Variants in PAM observed in about 807,000 individuals in gnomAD.
The protein encoded by PAM is peptidylglycine alpha-amidating monooxygenase.
Under a neutral mutation model 122.1 loss-of-function variants are expected in PAM, and 72 were observed. That is an observed-to-expected ratio of 0.59 (90% CI 0.49 to 0.72). The LOEUF is 0.72. Ranked by LOEUF, PAM falls within the 30% of genes least tolerant of loss-of-function variation. PAM has a pLI of 0.00. For missense variants in PAM, 1,106 were observed against 1,183.7 expected (o/e 0.93, Z 0.96); for synonymous variants, 389 against 404.4 (o/e 0.96, Z 0.46).
At chr5:102,986,400 A>G (rs2150699402) in intron 15 of PAM, among the ~76,000 whole-genome samples, 1 of 152,280 alleles carries the variant, frequency 6.6e-6, no homozygotes, top group South Asian at 2.1e-4. Flanking sequence ...CAAGACACAA[A>G]ATCTCAACAT....
chr5:103,001,520 A>G (rs1251054692), intron 16 of PAM, among the ~76,000 whole-genome samples: 2 of 152,138 alleles, frequency 1.3e-5, no homozygotes, highest in Admixed American at 6.5e-5. Flanking sequence ...GCATATATAA[A>G]GAGTATTACT....
chr5:102,982,721 A>C (rs921251164), intron 15 of PAM, among the ~76,000 whole-genome samples: 1 of 152,192 alleles, frequency 6.6e-6, no homozygotes, highest in African/African-American at 2.4e-5. Flanking sequence ...TATAAAGAAA[A>C]ACATTTTTCC....
At chr5:102,934,915 A>G (rs768533123) in intron 7 of PAM, among the ~76,000 whole-genome samples, 1 of 152,228 alleles carries the variant, frequency 6.6e-6, no homozygotes, top group Non-Finnish European at 1.5e-5. Context: ...CAGTATTAGA[A>G]CAAAGAAATT....
chr5:102,931,903 A>G (rs961215947), intron 7 of PAM, among the ~76,000 whole-genome samples: 1 of 151,808 alleles, frequency 6.6e-6, no homozygotes, highest in Non-Finnish European at 1.5e-5. Flanking sequence ...TACATTTAGT[A>G]TGTTCCTGGA....
chr5:102,773,921 A>T (rs1341339493), intron 1 of PAM, among the ~76,000 whole-genome samples: 1 of 151,974 alleles, frequency 6.6e-6, no homozygotes, highest in Admixed American at 6.6e-5. Flanking sequence ...CTTCATGTTC[A>T]TAGTTCTTAT....
chr5:102,916,821 C>T (rs570117662), intron 5 of PAM, among the ~76,000 whole-genome samples: 1 of 151,162 alleles, frequency 6.6e-6, no homozygotes, highest in East Asian at 2.0e-4. Context: ...CAACCTCCAC[C>T]TCCTGGGTTC....
At chr5:103,001,065 G>C (rs1286470600) in intron 16 of PAM, among the ~76,000 whole-genome samples, 1 of 152,054 alleles carries the variant, frequency 6.6e-6, no homozygotes, top group Non-Finnish European at 1.5e-5. Context: ...AGTGAATGAA[G>C]AAACTTTAAC....
intron 11 of PAM, 124 bp downstream of exon 11, chr5:102,950,102 A>C (rs1758307206): frequency 9.4e-6 from 6 of 638,292 alleles, no homozygotes; most frequent in Non-Finnish European, 1.4e-5. Context: ...TTAACTGTAT[A>C]ACTGAGCTGT....
At chr5:102,940,420 T>C (rs72783893) in intron 7 of PAM, among the ~76,000 whole-genome samples, 31 of 149,458 alleles carry the variant, frequency 2.1e-4, no homozygotes, top group Non-Finnish European at 4.3e-4. Flanking sequence ...CAGATTAACA[T>C]TTAAAGTGTA....
At chr5:102,877,080 A>T (rs1046768268) in intron 3 of PAM, among the ~76,000 whole-genome samples, 2 of 152,226 alleles carry the variant, frequency 1.3e-5, no homozygotes, top group Non-Finnish European at 2.9e-5. Context: ...ACTCTGTCCC[A>T]CCACTTGCTG....
chr5:102,948,537 A>G, intron 9 of PAM, 92 bp downstream of exon 9: 1 of 669,170 alleles, frequency 1.5e-6, no homozygotes, highest in Non-Finnish European at 2.7e-6. Context: ...TTTAAAAATA[A>G]TCAATATTTT....
At chr5:102,822,554 G>A (rs112405424) in intron 1 of PAM, among the ~76,000 whole-genome samples, 2,483 of 152,048 alleles carry the variant, frequency 0.016, 55 homozygotes, top group African/African-American at 0.057. Context: ...GCCAGGAATC[G>A]ATTTTTTTTT....
In PAM at chr5:102,810,177, C is replaced by CAAT. The variant is rs1350435159; in HGVS notation, c.-374+54829_-374+54830insAAT. ...ATAATTTAATTTCTTCAATAACTAG[C>CAAT]TCTTTGTAGTAATAATTACGAAATA... On this transcript the variant is annotated intron_variant, in intron 1 of 25. Transcript: ENST00000438793. Among the ~76,000 whole-genome samples, 325 of 152,234 alleles carry CAAT rather than the reference C, an allele frequency of 2.1e-3. 1 individual carries two copies. Among genetic ancestry groups the CAAT allele is most frequent in the African/African-American group, 7.5e-3 (310 of 41,542 alleles).
intron 4 of PAM, among the ~76,000 whole-genome samples, chr5:102,908,753 T>C (rs1005252908): frequency 3.3e-5 from 5 of 151,372 alleles, no homozygotes; most frequent in African/African-American, 9.7e-5. Flanking sequence ...AAATAAATAG[T>C]CTTTGCCCTG....
chr5:102,864,595 C>T (rs922240065), intron 1 of PAM: 2 of 151,968 alleles, frequency 1.3e-5, no homozygotes, highest in Non-Finnish European at 2.9e-5. Context: ...TGTTTTGGTT[C>T]TAGGTTTTTG....
chr5:102,995,694 CTT>C (rs1775507450), intron 16 of PAM, among the ~76,000 whole-genome samples: 1 of 151,978 alleles, frequency 6.6e-6, no homozygotes, highest in Non-Finnish European at 1.5e-5. Context: ...ATACCTAGTT[CTT>C]TTTTCTCTTC....
intron 7 of PAM, among the ~76,000 whole-genome samples, chr5:102,927,966 T>C (rs916673596): frequency 6.6e-6 from 1 of 152,114 alleles, no homozygotes; most frequent in African/African-American, 2.4e-5. Flanking sequence ...ATAAATAATA[T>C]TTGTGTTTGG....
chr5:102,797,459 ATT>A (rs1296066477), intron 1 of PAM, among the ~76,000 whole-genome samples: 1 of 152,162 alleles, frequency 6.6e-6, no homozygotes, highest in Non-Finnish European at 1.5e-5. Context: ...TTTGAAGGAC[ATT>A]TTGTTTCCTA....
chr5:102,776,798 T>G lies in PAM; in HGVS notation c.-374+21450T>G, dbSNP rs570648161. ...ACTGGCCAACAATATGTATTTCACA[T>G]TGTTATGTAACTATAACTGCATTTA... On this transcript the variant is annotated intron_variant, in intron 1 of 25. Transcript: ENST00000438793. Among the ~76,000 whole-genome samples, 11 of 152,234 alleles carry G rather than the reference T, an allele frequency of 7.2e-5. No homozygotes were observed. In the East Asian group the frequency reaches 2.1e-3, roughly 29 times the overall value.
Sources: allele counts gnomAD v4.1 joint callset (sites outside exome capture counted in the v4.1 genomes callset), GRCh38; gene constraint gnomAD v4.1.1; transcripts MANE v1.5; gene names NCBI Gene and HGNC (gene_info 2026-07-23, HGNC 2026-07-21).